The following REV1 variants were observed in gnomAD, a reference collection of about 807,000 sequenced individuals.
REV1 encodes the protein translesion synthesis protein REV1.
In REV1, 42 loss-of-function variants were observed where a neutral mutation model predicts 137.4. That is an observed-to-expected ratio of 0.31 (90% confidence interval 0.24 to 0.40). The LOEUF is 0.40. REV1 is among the 10% of genes least tolerant of loss of function. The pLI, the probability that REV1 is intolerant of heterozygous loss-of-function variation, is 1.00. For missense variants in REV1, 1,282 were observed against 1,490.1 expected, an observed-to-expected ratio of 0.86 and a Z score of 2.30; for synonymous variants, 524 against 519.2, an observed-to-expected ratio of 1.01 and a Z score of -0.12.
At chr2:99,468,339 G>C (rs937840464) in intron 1 of REV1, among the ~76,000 whole-genome samples, 4 of 152,132 alleles carry the variant, frequency 2.6e-5, no homozygotes, top group East Asian at 1.9e-4. Context: ...TCTTTAAATA[G>C]GACTTTCCCT....
chr2:99,424,020 G>T, intron 10 of REV1, 132 bp downstream of exon 10: 1 of 927,880 alleles, frequency 1.1e-6, no homozygotes, highest in Non-Finnish European at 1.6e-6. Context: ...CTGGGATGCT[G>T]AGGAGTGGTT....
Position 99,442,456 on chromosome 2 carries a change from G to T in REV1, c.364C>A (p.Arg122=), listed in dbSNP as rs892364000. The change falls in exon 5 of 23, where the codon CGA becomes AGA. Residue 122 remains arginine (R), a synonymous_variant. Coordinates refer to ENST00000258428, the MANE Select transcript of REV1 (RefSeq NM_016316.4). ...EWIVESIKAG[R]LLSYIPYQLY... is the part of the protein sequence containing the mutation. The stretch of plus-strand genomic sequence containing the variant: ...TGATATGGAATGTAGGAGAGGAGTC[G>T]TCCAGCTTTGATGCTGAAACAAAAA... 1 of 1,612,576 alleles carries T rather than the reference G, an allele frequency of 6.2e-7. No individual in the cohort carries two copies. The highest frequency in any genetic ancestry group is 8.5e-7 in the Non-Finnish European group (1 of 1,179,604).
chr2:99,408,737 A>G (rs965180033), intron 14 of REV1, among the ~76,000 whole-genome samples: 2 of 151,846 alleles, frequency 1.3e-5, no homozygotes, highest in East Asian at 3.8e-4. Flanking sequence ...GAGCCTTTTG[A>G]GCTTCTCTGG....
At position 99,401,365 on chromosome 2, in the gene REV1, A is replaced by C; in HGVS notation, c.3645-13T>G. 6.4e-7 allele frequency: 1 copy of C among 1,567,988 alleles called. No individual in the cohort carries two copies. Among genetic ancestry groups the C allele is most frequent in the South Asian group, 1.1e-5 (1 of 89,880 alleles). On this transcript the variant is annotated splice_polypyrimidine_tract_variant and intron_variant, in intron 22 of 22. Transcript: ENST00000258428. ...TTGCTGCATCAGCCTAAAGGTGGGGAGAGAAGAAATGTCATTAGGAATTAG... is the reference window on the plus strand; with the variant it reads ...TTGCTGCATCAGCCTAAAGGTGGGGCGAGAAGAAATGTCATTAGGAATTAG...
At chr2:99,439,977 A>G (rs373944204) in intron 5 of REV1, among the ~76,000 whole-genome samples, 5 of 152,346 alleles carry the variant, frequency 3.3e-5, no homozygotes, top group African/African-American at 1.2e-4. Flanking sequence ...ACAAAAAGTA[A>G]AGCCATGTCA....
At chr2:99,481,969 G>A (rs774639364) in intron 1 of REV1, among the ~76,000 whole-genome samples, 8 of 152,162 alleles carry the variant, frequency 5.3e-5, no homozygotes, top group Non-Finnish European at 7.3e-5. Context: ...TCCATAATGG[G>A]TCCTCCTTGG....
At chr2:99,464,434 T>C (rs1312483520) in intron 2 of REV1, among the ~76,000 whole-genome samples, 3 of 152,228 alleles carry the variant, frequency 2.0e-5, no homozygotes, top group Non-Finnish European at 4.4e-5. Context: ...CTTTGGGGTG[T>C]TGTTTTCAAA....
chr2:99,472,265 A>T (rs747314259), intron 1 of REV1, among the ~76,000 whole-genome samples: 1 of 152,238 alleles, frequency 6.6e-6, no homozygotes, highest in Non-Finnish European at 1.5e-5. Flanking sequence ...AACTTGCATG[A>T]ACCTTGAAGG....
At chr2:99,459,714 GAAACAAACA>G (rs1011704180) in intron 3 of REV1, among the ~76,000 whole-genome samples, 3 of 151,982 alleles carry the variant, frequency 2.0e-5, no homozygotes, top group South Asian at 2.1e-4. Flanking sequence ...TCAAAACAAA[GAAACAAACA>G]AAACAAACAA....
intron 3 of REV1, among the ~76,000 whole-genome samples, chr2:99,452,602 T>C (rs931122951): frequency 3.9e-5 from 6 of 152,206 alleles, no homozygotes; most frequent in African/African-American, 7.2e-5. Context: ...GTTTGTTTAC[T>C]TGTTTACTGT....
intron 1 of REV1, among the ~76,000 whole-genome samples, chr2:99,486,897 G>A (rs569793003): frequency 7.0e-6 from 1 of 141,960 alleles, no homozygotes; most frequent in Non-Finnish European, 1.5e-5. Context: ...ACAAGTCTAA[G>A]GGGGGAAATA....
chr2:99,473,830 T>C (rs1433818795), intron 1 of REV1, among the ~76,000 whole-genome samples: 1 of 152,252 alleles, frequency 6.6e-6, no homozygotes, highest in Non-Finnish European at 1.5e-5. Context: ...AAGCCTTTTC[T>C]TGAAGTAAGT....
At chr2:99,442,892 TTTA>T (rs1426644267) in intron 4 of REV1, among the ~76,000 whole-genome samples, 2 of 152,170 alleles carry the variant, frequency 1.3e-5, no homozygotes, top group African/African-American at 4.8e-5. Flanking sequence ...TTATACTATT[TTTA>T]TGTATACAAG....
chr2:99,433,153 G>A (rs1680328118), intron 8 of REV1, among the ~76,000 whole-genome samples: 1 of 152,036 alleles, frequency 6.6e-6, no homozygotes, highest in African/African-American at 2.4e-5. Flanking sequence ...GATTTCATCT[G>A]TTTAATAGCA....
chr2:99,411,629 C>T (rs1292947656), intron 13 of REV1, among the ~76,000 whole-genome samples: 2 of 151,466 alleles, frequency 1.3e-5, no homozygotes, highest in African/African-American at 4.8e-5. Context: ...GGCTGGTCTC[C>T]AACTCCTGAC....
chr2:99,405,870 AGTATAAAAT>A (rs1676211644), intron 17 of REV1, 31 bp downstream of exon 17: 1 of 1,252,522 alleles, frequency 8.0e-7, no homozygotes, highest in African/African-American at 1.5e-5. Context: ...TATATTTAGG[AGTATAAAAT>A]GTACTTATAT....
Position 99,406,052 on chromosome 2 carries a change from A to C in REV1, c.2669T>G (p.Phe890Cys). ...EISSASRTCT[F>C]LPPFPAHLPT... is the part of the protein sequence containing the mutation. ...CAGATGTGCAGGAAAAGGTGGCAAG[A>C]AAGTGCAAGTTCTAGAAGCAGATGA... The change falls in exon 17 of 23, where the codon TTC becomes TGC. Residue 890 changes from phenylalanine (F) to cysteine (C), a missense_variant. Around this residue, in one of 7 missense-constraint regions of REV1, gnomAD observed 372 missense variants for 482.3 expected, o/e 0.77. Coordinates refer to ENST00000258428, the MANE Select transcript of REV1 (RefSeq NM_016316.4). 1.2e-6 allele frequency: 2 copies of C among 1,613,910 alleles called. No homozygotes were observed. Among genetic ancestry groups the C allele is most frequent in the Non-Finnish European group, 1.7e-6 (2 of 1,179,960 alleles).
intron 9 of REV1, among the ~76,000 whole-genome samples, chr2:99,426,523 A>G (rs1163036129): frequency 1.3e-5 from 2 of 152,224 alleles, no homozygotes; most frequent in Non-Finnish European, 2.9e-5. Flanking sequence ...AAACTGTTTA[A>G]GAGCCATTAG....
At chr2:99,479,034 G>C (rs1280234732) in intron 1 of REV1, among the ~76,000 whole-genome samples, 1 of 152,134 alleles carries the variant, frequency 6.6e-6, no homozygotes, top group Admixed American at 6.5e-5. Flanking sequence ...GTTTTAATTA[G>C]ATTGCAGGCG....
Sources: allele counts gnomAD v4.1 joint callset (sites outside exome capture counted in the v4.1 genomes callset), GRCh38; gene constraint gnomAD v4.1.1; regional missense constraint gnomAD v4.1.1; transcripts MANE v1.5; gene names NCBI Gene and HGNC (gene_info 2026-07-23, HGNC 2026-07-21).